The following SORCS1 variants were observed in gnomAD, a reference collection of about 807,000 sequenced individuals.
SORCS1 encodes VPS10 domain-containing receptor SorCS1.
A neutral mutation model predicts 146.1 loss-of-function variants in SORCS1; 60 were observed. The ratio of observed to expected loss-of-function variants is 0.41; its 90% CI spans 0.33 to 0.51. The LOEUF is 0.51. Ranked by LOEUF, SORCS1 falls within the 20% of genes least tolerant of loss-of-function variation. The pLI is 0.21. For missense variants in SORCS1, 1,352 were observed against 1,487.6 expected, an observed-to-expected ratio of 0.91 and a Z score of 1.50; for synonymous variants, 637 against 584.0, an observed-to-expected ratio of 1.09 and a Z score of -1.31.
intron 1 of SORCS1, among the ~76,000 whole-genome samples, chr10:107,066,468 C>T (rs1320720981): frequency 1.3e-5 from 2 of 152,144 alleles, no homozygotes; most frequent in Admixed American, 6.5e-5. Flanking sequence ...TTTAGTCTTC[C>T]TTTTCAAATA....
At chr10:107,021,847 A>T (rs984980959) in intron 1 of SORCS1, among the ~76,000 whole-genome samples, 4 of 152,232 alleles carry the variant, frequency 2.6e-5, no homozygotes, top group Admixed American at 6.5e-5. Flanking sequence ...TTAAGCAAAT[A>T]TCATCTTCTA....
At chr10:106,761,138 C>T (rs905095646) in intron 5 of SORCS1, among the ~76,000 whole-genome samples, 6 of 151,866 alleles carry the variant, frequency 4.0e-5, no homozygotes, top group Non-Finnish European at 5.9e-5. Flanking sequence ...AAGGAGAAGG[C>T]CTACAAGATC....
chr10:106,948,724 C>G (rs888904534), intron 2 of SORCS1, among the ~76,000 whole-genome samples: 2 of 151,936 alleles, frequency 1.3e-5, no homozygotes, highest in Admixed American at 6.6e-5. Flanking sequence ...CTTTGGGAGG[C>G]TGAGACAGGC....
chr10:106,756,080 G>A (rs1180441280), intron 5 of SORCS1, among the ~76,000 whole-genome samples: 1 of 151,930 alleles, frequency 6.6e-6, no homozygotes, highest in Non-Finnish European at 1.5e-5. Flanking sequence ...AATGAGCTGA[G>A]ATTGCACCAC....
intron 1 of SORCS1, among the ~76,000 whole-genome samples, chr10:106,983,392 C>A (rs551811499): frequency 4.3e-4 from 65 of 151,904 alleles, no homozygotes; most frequent in Non-Finnish European, 8.4e-4. Context: ...CAGTTACACT[C>A]TAGTATTATT....
chr10:107,140,050 G>A (rs1050219778), intron 1 of SORCS1, among the ~76,000 whole-genome samples: 3 of 152,158 alleles, frequency 2.0e-5, no homozygotes, highest in African/African-American at 7.2e-5. Context: ...CTTCATCAGG[G>A]CAAAGCTAAC....
At position 106,611,919 on chromosome 10, in the gene SORCS1, G is replaced by A. The variant is rs1308307458; in HGVS notation, c.3025C>T (p.Leu1009=). 6.2e-7 allele frequency: 1 copy of A among 1,613,290 alleles called. No individual in the cohort carries two copies. The highest frequency in any genetic ancestry group is 8.5e-7 in the Non-Finnish European group (1 of 1,179,278). Reference sequence around the variant, plus strand: ...AAACTGTGTGCACTCACTTCCACCAGGGATTTTTTGATGACTCGACCGATG... The same window carrying A: ...AAACTGTGTGCACTCACTTCCACCAAGGATTTTTTGATGACTCGACCGATG... ...RDIGRVIKKS[L]VEATGVPGQH... The change falls in exon 22 of 26, where the codon CTG becomes TTG. Residue 1009 remains leucine (L), a synonymous_variant. Transcript: ENST00000263054.
intron 24 of SORCS1, among the ~76,000 whole-genome samples, chr10:106,590,523 G>A (rs72821139): frequency 0.019 from 2,885 of 152,160 alleles, 36 homozygotes; most frequent in Middle Eastern, 0.048. Flanking sequence ...GGCACTTTAG[G>A]GATATTTTCT....
At chr10:106,996,128 A>G (rs1468196437) in intron 1 of SORCS1, among the ~76,000 whole-genome samples, 1 of 151,688 alleles carries the variant, frequency 6.6e-6, no homozygotes. Context: ...TAGCTACTGG[A>G]AAGGCTGAGG....
chr10:107,094,367 C>T (rs1964410018), intron 1 of SORCS1, among the ~76,000 whole-genome samples: 1 of 152,070 alleles, frequency 6.6e-6, no homozygotes, highest in Admixed American at 6.6e-5. Context: ...TTAAGAAACT[C>T]CAATTTATTA....
intron 1 of SORCS1, among the ~76,000 whole-genome samples, chr10:107,003,110 C>G (rs1200679923): frequency 6.6e-6 from 1 of 152,036 alleles, no homozygotes; most frequent in Non-Finnish European, 1.5e-5. Flanking sequence ...CAAAAATTAG[C>G]CAGGCATGGT....
upstream of SORCS1, among the ~76,000 whole-genome samples, chr10:107,169,454 C>T (rs981103974): frequency 6.6e-6 from 1 of 152,148 alleles, no homozygotes; most frequent in African/African-American, 2.4e-5. Context: ...TTCTCATACA[C>T]CCAATCTAAG....
intron 2 of SORCS1, among the ~76,000 whole-genome samples, chr10:106,866,240 A>T (rs568846433): frequency 6.6e-6 from 1 of 152,212 alleles, no homozygotes; most frequent in South Asian, 2.1e-4. Context: ...AAAGACCCTA[A>T]GTGCCTTATC....
intron 17 of SORCS1, among the ~76,000 whole-genome samples, chr10:106,665,719 T>C (rs1312729532): frequency 6.6e-6 from 1 of 152,198 alleles, no homozygotes; most frequent in Non-Finnish European, 1.5e-5. Flanking sequence ...AAAATGACTT[T>C]ATCATGCCTA....
chr10:106,700,021 C>G (rs1854017641), intron 8 of SORCS1, among the ~76,000 whole-genome samples: 1 of 152,152 alleles, frequency 6.6e-6, no homozygotes, highest in Non-Finnish European at 1.5e-5. Context: ...AAACATTCAC[C>G]AGAGAAACCC....
chr10:106,876,702 T>C (rs1950599914), intron 2 of SORCS1, among the ~76,000 whole-genome samples: 1 of 152,204 alleles, frequency 6.6e-6, no homozygotes, highest in South Asian at 2.1e-4. Flanking sequence ...TCTCCTAAAA[T>C]CCTGTTCAGA....
intron 19 of SORCS1, among the ~76,000 whole-genome samples, chr10:106,625,029 C>T (rs1487274333): frequency 6.6e-6 from 1 of 152,214 alleles, no homozygotes; most frequent in Non-Finnish European, 1.5e-5. Context: ...GCCTGCAATG[C>T]ACAAAAGGGA....
intron 1 of SORCS1, among the ~76,000 whole-genome samples, chr10:107,045,882 C>T (rs1273332764): frequency 2.7e-5 from 4 of 150,928 alleles, no homozygotes; most frequent in African/African-American, 9.8e-5. Context: ...CGCCTGAGCT[C>T]AAGCAATCCT....
intron 3 of SORCS1, among the ~76,000 whole-genome samples, chr10:106,813,296 C>A (rs946434244): frequency 2.6e-5 from 4 of 151,854 alleles, no homozygotes; most frequent in African/African-American, 9.7e-5. Flanking sequence ...GCAAGCCCAG[C>A]TAATTTTTTG....
Sources: allele counts gnomAD v4.1 joint callset (sites outside exome capture counted in the v4.1 genomes callset), GRCh38; gene constraint gnomAD v4.1.1; transcripts MANE v1.5; gene names NCBI Gene and HGNC (gene_info 2026-07-23, HGNC 2026-07-21).